Variants in MYO5B observed in about 807,000 individuals in gnomAD.
MYO5B encodes the protein unconventional myosin-Vb.
MYO5B carries 143 observed loss-of-function variants against 229.3 expected under a neutral mutation model. That is an observed-to-expected ratio of 0.62 (90% confidence interval 0.54 to 0.72). The LOEUF (loss-of-function observed/expected upper bound fraction) is 0.72. MYO5B is among the 30% of genes least tolerant of loss of function. MYO5B has a pLI of 0.00. For missense variants in MYO5B, 2,321 were observed against 2,331.0 expected (o/e 1.00, Z 0.09); for synonymous variants, 918 against 885.2 (o/e 1.04, Z -0.66).
chr18:50,068,064 A>AC (rs2030867993), intron 1 of MYO5B, among the ~76,000 whole-genome samples: 2 of 137,264 alleles, frequency 1.5e-5, no homozygotes, highest in African/African-American at 5.2e-5. Flanking sequence ...CACACACACA[A>AC]CACTTTTAGA....
intron 1 of MYO5B, among the ~76,000 whole-genome samples, chr18:50,116,959 A>G (rs568042632): frequency 1.5e-4 from 23 of 152,186 alleles, no homozygotes; most frequent in Non-Finnish European, 2.9e-4. Context: ...CACATACCCA[A>G]CTTTTTTGAC....
chr18:49,932,686 CA>C (rs1203066691), intron 16 of MYO5B, among the ~76,000 whole-genome samples: 1 of 151,934 alleles, frequency 6.6e-6, no homozygotes, highest in Non-Finnish European at 1.5e-5. Flanking sequence ...AACAAACAAA[CA>C]AAAAAACAAG....
chr18:49,966,270 G>T (rs1239422321), intron 10 of MYO5B, among the ~76,000 whole-genome samples: 1 of 152,168 alleles, frequency 6.6e-6, no homozygotes, highest in Non-Finnish European at 1.5e-5. Context: ...CCACATTAAA[G>T]CACAGCCTTT....
chr18:50,159,990 G>T (rs2032740589), intron 1 of MYO5B, among the ~76,000 whole-genome samples: 2 of 152,222 alleles, frequency 1.3e-5, no homozygotes, highest in Admixed American at 1.3e-4. Flanking sequence ...CTGGATCCTG[G>T]AGAGTCACAA....
intron 1 of MYO5B, among the ~76,000 whole-genome samples, chr18:50,194,246 C>T (rs1476412323): frequency 2.0e-5 from 3 of 152,228 alleles, no homozygotes; most frequent in African/African-American, 7.2e-5. Context: ...AGAACCCCCA[C>T]CTCTCCCAAG....
At chr18:49,960,939 C>T (rs964105085) in intron 12 of MYO5B, among the ~76,000 whole-genome samples, 1 of 152,204 alleles carries the variant, frequency 6.6e-6, no homozygotes, top group South Asian at 2.1e-4. Context: ...CAGGGAGCCA[C>T]ACCAGCTTAG....
chr18:50,033,249 G>A (rs1349923130), intron 4 of MYO5B, among the ~76,000 whole-genome samples: 1 of 151,906 alleles, frequency 6.6e-6, no homozygotes, highest in Non-Finnish European at 1.5e-5. Flanking sequence ...GCCTTTTGAC[G>A]CCCCACTTCT....
rs576250074 is a variant in MYO5B at position 50,008,797 on chromosome 18, G to C, written c.456-7386C>G. ...TGTGACAAATCATCTGAAGATTTAG[G>C]TGTGTCAACAGAATATATTCTGTTC... On this transcript the variant is annotated intron_variant, in intron 4 of 39. Coordinates refer to ENST00000285039, the MANE Select transcript of MYO5B (RefSeq NM_001080467.3). Among the ~76,000 whole-genome samples, 5 of 152,226 alleles carry C rather than the reference G, an allele frequency of 3.3e-5. No individual in the cohort carries two copies. In the South Asian group the frequency reaches 8.3e-4, roughly 25 times the overall value.
At chr18:49,857,891 C>T (rs868289223) in intron 29 of MYO5B, among the ~76,000 whole-genome samples, 6 of 152,166 alleles carry the variant, frequency 3.9e-5, no homozygotes, top group Non-Finnish European at 5.9e-5. Flanking sequence ...AGGACTCTGC[C>T]GCACCTCCCT....
chr18:49,895,456 G>A (rs975931002), intron 21 of MYO5B, among the ~76,000 whole-genome samples: 20 of 152,346 alleles, frequency 1.3e-4, no homozygotes, highest in Middle Eastern at 3.4e-3. Context: ...CTGGTAGCAG[G>A]TGGCTTTATG....
At position 49,837,596 on chromosome 18, in the gene MYO5B, A is replaced by C; in HGVS notation, c.5059T>G (p.Tyr1687Asp). 1.9e-6 allele frequency: 3 copies of C among 1,613,996 alleles called. No individual in the cohort carries two copies. Among genetic ancestry groups the C allele is most frequent in the Non-Finnish European group, 2.5e-6 (3 of 1,179,860 alleles). ...TTAAGAGTCACTGCGTTGATCATGT[A>C]GAAGAGCTGTTTGAATACCTGCAGG... is the stretch of plus-strand genomic sequence containing the variant. Reference protein sequence around the residue: ...IILQVFKQLFYMINAVTLNNL... With the variant: ...IILQVFKQLFDMINAVTLNNL... Residue 1687 changes from tyrosine (Y) to aspartate (D), a missense_variant, in exon 37 of 40, where the codon TAC becomes GAC. By Grantham distance (160) the Tyr-to-Asp change is radical. This residue lies in a region of MYO5B where 208 missense variants were observed against 286.3 expected (regional missense o/e 0.73). Coordinates refer to ENST00000285039, the MANE Select transcript of MYO5B (RefSeq NM_001080467.3).
At chr18:49,997,004 C>T (rs971685021) in intron 5 of MYO5B, among the ~76,000 whole-genome samples, 3 of 152,148 alleles carry the variant, frequency 2.0e-5, no homozygotes, top group African/African-American at 4.8e-5. Context: ...CTTAGCCAGG[C>T]ACTGGTAAGC....
intron 1 of MYO5B, among the ~76,000 whole-genome samples, chr18:50,110,381 C>G (rs1048165272): frequency 6.6e-6 from 1 of 152,178 alleles, no homozygotes; most frequent in Non-Finnish European, 1.5e-5. Context: ...CCCTCATTTG[C>G]TCCAGGTATG....
Position 49,875,841 on chromosome 18 carries a change from C to A in MYO5B, c.3397-14G>T, listed in dbSNP as rs966988645. The stretch of plus-strand genomic sequence containing the variant: ...CAGGCCAATTTCCTTCAAAGGAAGA[C>A]AGGCACAGAAAAAAGGTTTTCCTAA... On this transcript the variant is annotated splice_polypyrimidine_tract_variant and intron_variant, in intron 25 of 39. Transcript: ENST00000285039. 4 of 1,613,892 alleles carry A rather than the reference C, an allele frequency of 2.5e-6. No individual in the cohort carries two copies. Among genetic ancestry groups the A allele is most frequent in the Non-Finnish European group, 3.4e-6 (4 of 1,180,008 alleles).
At chr18:50,058,194 C>T (rs1248570230) in intron 1 of MYO5B, among the ~76,000 whole-genome samples, 1 of 152,178 alleles carries the variant, frequency 6.6e-6, no homozygotes, top group African/African-American at 2.4e-5. Flanking sequence ...AGGCCAGGTG[C>T]AGTGGCTCAT....
intron 2 of MYO5B, 28 bp downstream of exon 2, chr18:50,055,240 C>CT: frequency 2.3e-6 from 2 of 861,198 alleles, no homozygotes; most frequent in Admixed American, 1.8e-5. Context: ...ACCTCACCCC[C>CT]GCCCCCCTGC....
chr18:49,893,402 A>G (rs1197300857), intron 22 of MYO5B, among the ~76,000 whole-genome samples: 1 of 152,164 alleles, frequency 6.6e-6, no homozygotes, highest in Non-Finnish European at 1.5e-5. Context: ...TCACCATCCC[A>G]TTCATCTGCT....
At chr18:50,073,484 CT>C (rs1479976515) in intron 1 of MYO5B, among the ~76,000 whole-genome samples, 1 of 152,170 alleles carries the variant, frequency 6.6e-6, no homozygotes, top group Non-Finnish European at 1.5e-5. Context: ...CTCTGGCCAC[CT>C]GTTTGCTGGG....
chr18:49,944,747 C>A (rs113043579), intron 14 of MYO5B, among the ~76,000 whole-genome samples: 2 of 152,262 alleles, frequency 1.3e-5, no homozygotes, highest in African/African-American at 2.4e-5. Context: ...CATACAGCTA[C>A]GTTCAAGCTT....
Sources: gnomAD v4.1 joint callset for allele counts (sites outside exome capture counted in the v4.1 genomes callset) on GRCh38, gnomAD v4.1.1 for gene constraint, gnomAD v4.1.1 regional missense constraint, MANE v1.5 for transcripts, NCBI Gene and HGNC (gene_info 2026-07-23, HGNC 2026-07-21) for gene names.